The following DSCAM variants were observed in gnomAD, a reference collection of about 807,000 sequenced individuals.
The protein encoded by DSCAM is cell adhesion molecule DSCAM.
DSCAM carries 47 observed loss-of-function variants against 217.7 expected under a neutral mutation model. The ratio of observed to expected loss-of-function variants is 0.22; its 90% CI spans 0.17 to 0.28. The LOEUF is 0.28. Ranked by LOEUF, DSCAM falls within the 10% of genes least tolerant of loss-of-function variation. The pLI is 1.00. For missense variants in DSCAM, 2,080 were observed against 2,618.3 expected (o/e 0.79, Z 4.49); for synonymous variants, 1,056 against 1,015.3 (o/e 1.04, Z -0.76).
At chr21:40,434,726 GTAAT>G (rs2145902935) in intron 3 of DSCAM, among the ~76,000 whole-genome samples, 1 of 152,226 alleles carries the variant, frequency 6.6e-6, no homozygotes, top group South Asian at 2.1e-4. Context: ...TTGAATTTGT[GTAAT>G]TATTTGTTAT....
chr21:40,404,326 G>A (rs2205085), intron 3 of DSCAM, among the ~76,000 whole-genome samples: 9,198 of 152,236 alleles, frequency 0.06, 390 homozygotes, highest in African/African-American at 0.12. Flanking sequence ...ACCAAGAGGC[G>A]GTTGGAGATC....
At chr21:40,231,133 T>A (rs1025355362) in intron 11 of DSCAM, among the ~76,000 whole-genome samples, 3 of 151,812 alleles carry the variant, frequency 2.0e-5, no homozygotes, top group Non-Finnish European at 4.4e-5. Flanking sequence ...GGTTTTTTTT[T>A]TTTTTTTTTA....
At chr21:40,645,782 C>T (rs561894105) in intron 3 of DSCAM, among the ~76,000 whole-genome samples, 1 of 152,254 alleles carries the variant, frequency 6.6e-6, no homozygotes, top group East Asian at 1.9e-4. Context: ...ACCATATTCA[C>T]TTCTAAATTC....
rs936382047 is a variant in DSCAM, at chr21:40,555,030, ATGAG to A, written c.508+137776_508+137779del. 5.4e-4 allele frequency among the ~76,000 whole-genome samples: 83 copies of A among 152,380 alleles called. No individual in the cohort carries two copies. The Middle Eastern group carries it at 0.01, about 19-fold the overall frequency. On this transcript the variant is annotated intron_variant, in intron 3 of 32. Coordinates refer to ENST00000400454, the MANE Select transcript of DSCAM (RefSeq NM_001389.5). ...GGTGGATGAATTAACAAATAAAAGA[ATGAG>A]TGAGTGAGTGAATGAAATGATGCAT...
chr21:40,542,422 C>T (rs2076549232), intron 3 of DSCAM, among the ~76,000 whole-genome samples: 1 of 152,110 alleles, frequency 6.6e-6, no homozygotes, highest in Non-Finnish European at 1.5e-5. Context: ...AGTTTGTGCT[C>T]CCCAAAAATT....
intron 24 of DSCAM, 104 bp downstream of exon 24, chr21:40,083,804 G>A (rs1023446094): frequency 1.3e-6 from 1 of 753,230 alleles, no homozygotes; most frequent in Non-Finnish European, 2.1e-6. Context: ...ATTTTTGGGG[G>A]AGAATAAAGT....
rs965583451 is a variant in DSCAM at position 40,329,576 on chromosome 21, T to C, written c.1783+8525A>G. Among the ~76,000 whole-genome samples, 20 of 151,276 alleles carry C rather than the reference T, an allele frequency of 1.3e-4. 1 individual carries two copies. The highest frequency in any genetic ancestry group is 4.6e-4 in the African/African-American group (19 of 41,144). Reference sequence around the variant, plus strand: ...ATGCAGTGAGCCGAGATCGCGCCACTGCACTCCAGCCTGGCCACAGAGTGA... The same window carrying C: ...ATGCAGTGAGCCGAGATCGCGCCACCGCACTCCAGCCTGGCCACAGAGTGA... On this transcript the variant is annotated intron_variant, in intron 8 of 32. Transcript: ENST00000400454.
intron 3 of DSCAM, among the ~76,000 whole-genome samples, chr21:40,643,986 G>C (rs2146346024): frequency 6.6e-6 from 1 of 152,254 alleles, no homozygotes; most frequent in African/African-American, 2.4e-5. Flanking sequence ...GTTCAATTGA[G>C]ACCAGCAGGC....
At chr21:40,056,302 T>A (rs2089021923) in intron 28 of DSCAM, among the ~76,000 whole-genome samples, 1 of 152,232 alleles carries the variant, frequency 6.6e-6, no homozygotes, top group Non-Finnish European at 1.5e-5. Context: ...GGATTTGTAT[T>A]TATATCTGGT....
At chr21:40,364,790 A>G (rs2074813623) in intron 4 of DSCAM, among the ~76,000 whole-genome samples, 1 of 148,364 alleles carries the variant, frequency 6.7e-6, no homozygotes, top group African/African-American at 2.5e-5. Context: ...ACACACATAC[A>G]TATATATACA....
At chr21:40,459,049 A>G (rs1201789964) in intron 3 of DSCAM, among the ~76,000 whole-genome samples, 2 of 152,144 alleles carry the variant, frequency 1.3e-5, no homozygotes, top group South Asian at 4.1e-4. Context: ...TAAATGACAT[A>G]AGCATCCAAC....
At chr21:40,207,333 T>C (rs1462392619) in intron 11 of DSCAM, among the ~76,000 whole-genome samples, 2 of 152,214 alleles carry the variant, frequency 1.3e-5, no homozygotes, top group Non-Finnish European at 2.9e-5. Flanking sequence ...TGACTGAAAG[T>C]GTCCAGTTTG....
chr21:40,410,430 CAG>C (rs1413816376), intron 3 of DSCAM, among the ~76,000 whole-genome samples: 1 of 151,744 alleles, frequency 6.6e-6, no homozygotes, highest in Non-Finnish European at 1.5e-5. Context: ...GGACTCCTAT[CAG>C]AGGAAAGAAG....
rs139090051 is a variant in DSCAM at position 40,310,239 on chromosome 21, T to C, written c.2062+1842A>G. ...AACAATTCCCCAGAGATCTGGAAGATGGATTTACCCCTAAAGATTATGATT... is the reference window on the plus strand; with the variant it reads ...AACAATTCCCCAGAGATCTGGAAGACGGATTTACCCCTAAAGATTATGATT... On this transcript the variant is annotated intron_variant, in intron 9 of 32. Coordinates refer to ENST00000400454, the MANE Select transcript of DSCAM (RefSeq NM_001389.5). Among the ~76,000 whole-genome samples the C allele has an allele frequency of 7.3e-3, 1,115 of 152,288 alleles. 8 individuals are homozygous for C. Among genetic ancestry groups the C allele is most frequent in the Middle Eastern group, 0.024 (7 of 294 alleles).
At chr21:40,367,558 C>T (rs925069726) in intron 4 of DSCAM, among the ~76,000 whole-genome samples, 1 of 152,184 alleles carries the variant, frequency 6.6e-6, no homozygotes, top group African/African-American at 2.4e-5. Flanking sequence ...TCAGTGTCTA[C>T]AGTCTCATCT....
At chr21:40,197,212 G>A (rs1300354025) in intron 11 of DSCAM, among the ~76,000 whole-genome samples, 8 of 152,060 alleles carry the variant, frequency 5.3e-5, no homozygotes, top group East Asian at 3.9e-4. Context: ...TCCGCCTCCC[G>A]GGTTCACACC....
At chr21:40,741,336 C>G (rs1030506543) in intron 1 of DSCAM, among the ~76,000 whole-genome samples, 1 of 152,196 alleles carries the variant, frequency 6.6e-6, no homozygotes, top group Non-Finnish European at 1.5e-5. Context: ...TGCTTAATAT[C>G]TTTCATATTC....
At chr21:40,467,165 A>G (rs1355758394) in intron 3 of DSCAM, among the ~76,000 whole-genome samples, 1 of 152,224 alleles carries the variant, frequency 6.6e-6, no homozygotes, top group African/African-American at 2.4e-5. Flanking sequence ...GACTTATAGA[A>G]ACAACAAATT....
intron 2 of DSCAM, among the ~76,000 whole-genome samples, chr21:40,700,920 A>G (rs541089081): frequency 2.2e-4 from 33 of 152,138 alleles, no homozygotes; most frequent in African/African-American, 7.5e-4. Context: ...TGTTTCTAGT[A>G]GAGATGGATT....
Sources: allele counts gnomAD v4.1 joint callset (sites outside exome capture counted in the v4.1 genomes callset), GRCh38; gene constraint gnomAD v4.1.1; transcripts MANE v1.5; gene names NCBI Gene and HGNC (gene_info 2026-07-23, HGNC 2026-07-21).